Variants in EFNA5 observed in about 807,000 individuals in gnomAD.
EFNA5 encodes ephrin A5.
Under a neutral mutation model 22.9 loss-of-function variants are expected in EFNA5, and 5 were observed. That is an observed-to-expected ratio of 0.22 (90% CI 0.11 to 0.46). The LOEUF is 0.46. EFNA5 is among the 20% of genes least tolerant of loss of function. The pLI, the probability that EFNA5 is intolerant of heterozygous loss-of-function variation, is 0.99. For missense variants in EFNA5, 237 were observed against 293.3 expected, an observed-to-expected ratio of 0.81 and a Z score of 1.40; for synonymous variants, 113 against 112.2, an observed-to-expected ratio of 1.01 and a Z score of -0.04.
At chr5:107,412,640 T>G (rs1467680265) in intron 2 of EFNA5, among the ~76,000 whole-genome samples, 1 of 152,166 alleles carries the variant, frequency 6.6e-6, no homozygotes, top group Non-Finnish European at 1.5e-5. Flanking sequence ...AGACAGGCAA[T>G]TTTCTAGTTA....
chr5:107,435,900 A>C (rs115810649), intron 1 of EFNA5, among the ~76,000 whole-genome samples: 2,457 of 152,330 alleles, frequency 0.016, 54 homozygotes, highest in African/African-American at 0.057. Context: ...CCTTAAGTTC[A>C]GTAACTGTTG....
Position 107,455,774 on chromosome 5 carries a change from C to T in EFNA5, c.126-28265G>A, listed in dbSNP as rs546574883. Reference sequence around the variant, plus strand: ...TTGCTCTTAAAGTTTATTGTTGCAACCTGGTTATGGATAATTCTTTCCACT... The same window carrying T: ...TTGCTCTTAAAGTTTATTGTTGCAATCTGGTTATGGATAATTCTTTCCACT... On this transcript the variant is annotated intron_variant, in intron 1 of 4. Coordinates refer to ENST00000333274, the MANE Select transcript of EFNA5 (RefSeq NM_001962.3). Among the ~76,000 whole-genome samples the T allele has an allele frequency of 3.4e-4, 52 of 152,264 alleles. 2 individuals carry two copies. Among genetic ancestry groups the T allele is most frequent in the African/African-American group, 1.2e-3 (51 of 41,558 alleles).
At chr5:107,487,540 G>A (rs185507985) in intron 1 of EFNA5, among the ~76,000 whole-genome samples, 1 of 152,314 alleles carries the variant, frequency 6.6e-6, no homozygotes, top group East Asian at 1.9e-4. Context: ...GCAGATGACA[G>A]GGGCAGAGTA....
At chr5:107,655,585 A>G (rs899106120) in intron 1 of EFNA5, among the ~76,000 whole-genome samples, 1 of 152,132 alleles carries the variant, frequency 6.6e-6, no homozygotes, top group Non-Finnish European at 1.5e-5. Context: ...TCCCTTATGA[A>G]TTACTTTTTC....
At chr5:107,451,304 T>A (rs1269009522) in intron 1 of EFNA5, among the ~76,000 whole-genome samples, 2 of 152,188 alleles carry the variant, frequency 1.3e-5, no homozygotes, top group African/African-American at 4.8e-5. Flanking sequence ...ACTGGATAAA[T>A]CAACTACGTT....
rs900105942 is a variant in EFNA5 at position 107,381,237 on chromosome 5, T to C, written c.*18A>G. The C allele has an allele frequency of 2.5e-6, 4 of 1,606,726 alleles. No homozygotes were observed. The African/African-American group carries it at 5.3e-5, about 21-fold the overall frequency. ...AGACCCTGATGTTTTCTGTGACAAG[T>C]GATGGGAGGAGACTGTGCTATAATG... is the stretch of plus-strand genomic sequence containing the variant. On this transcript the variant is annotated 3_prime_UTR_variant, in exon 5 of 5. Coordinates refer to ENST00000333274, the MANE Select transcript of EFNA5 (RefSeq NM_001962.3).
intron 1 of EFNA5, among the ~76,000 whole-genome samples, chr5:107,526,884 T>A (rs977845881): frequency 2.0e-5 from 3 of 152,174 alleles, no homozygotes; most frequent in African/African-American, 7.2e-5. Flanking sequence ...TAGAAAAGTC[T>A]ACAAGTTATG....
chr5:107,509,156 C>G (rs188254386), intron 1 of EFNA5, among the ~76,000 whole-genome samples: 80 of 152,258 alleles, frequency 5.3e-4, no homozygotes, highest in African/African-American at 1.9e-3. Flanking sequence ...TTAGTAGTCT[C>G]TAATGCAATT....
At chr5:107,389,404 G>A (rs1747725336) in intron 2 of EFNA5, among the ~76,000 whole-genome samples, 2 of 152,146 alleles carry the variant, frequency 1.3e-5, no homozygotes, top group African/African-American at 2.4e-5. Context: ...GGGTTCCTGA[G>A]GGAGTATATG....
intron 1 of EFNA5, among the ~76,000 whole-genome samples, chr5:107,508,541 G>A (rs1014370688): frequency 6.6e-6 from 1 of 152,276 alleles, no homozygotes; most frequent in South Asian, 2.1e-4. Flanking sequence ...GACATGAACT[G>A]CAGACAAATT....
chr5:107,670,571 A>G lies in EFNA5; in HGVS notation c.43T>C (p.Trp15Arg), dbSNP rs755615518. The change falls in exon 1 of 5, where the codon TGG becomes CGG. Residue 15 changes from tryptophan to arginine, a missense_variant. This residue lies in a region of EFNA5 where 120 missense variants were observed against 140.5 expected (regional missense o/e 0.85). Coordinates refer to ENST00000333274, the MANE Select transcript of EFNA5 (RefSeq NM_001962.3). ...EMLTLVFLVL[W>R]MCVFSQDPGS... ...GGGTCCTGGCTGAACACACACATCC[A>G]GAGCACCAGAAACACCAGCGTCAAC... is the stretch of plus-strand genomic sequence containing the variant. 21 of 1,602,138 alleles carry G rather than the reference A, an allele frequency of 1.3e-5. No homozygotes were observed. The African/African-American group carries it at 2.7e-4, about 21-fold the overall frequency.
At chr5:107,601,366 A>T (rs999893029) in intron 1 of EFNA5, among the ~76,000 whole-genome samples, 4 of 152,216 alleles carry the variant, frequency 2.6e-5, no homozygotes, top group African/African-American at 4.8e-5. Flanking sequence ...GCGTTAGGGA[A>T]GCACAGAGTA....
intron 1 of EFNA5, among the ~76,000 whole-genome samples, chr5:107,534,095 C>T (rs116666221): frequency 7.9e-5 from 12 of 152,330 alleles, no homozygotes; most frequent in South Asian, 2.1e-4. Flanking sequence ...CTGGATGACA[C>T]TGTGTGTCTG....
At chr5:107,521,147 T>C (rs751148388) in intron 1 of EFNA5, among the ~76,000 whole-genome samples, 1 of 152,182 alleles carries the variant, frequency 6.6e-6, no homozygotes, top group African/African-American at 2.4e-5. Context: ...GTGCATTTAA[T>C]ACATGTAACC....
chr5:107,404,379 T>C (rs1010027516), intron 2 of EFNA5, among the ~76,000 whole-genome samples: 2 of 152,232 alleles, frequency 1.3e-5, no homozygotes, highest in Non-Finnish European at 2.9e-5. Context: ...CTATTTAACT[T>C]GACCAAATAC....
chr5:107,409,603 A>T (rs1216571592), intron 2 of EFNA5, among the ~76,000 whole-genome samples: 1 of 152,134 alleles, frequency 6.6e-6, no homozygotes, highest in Non-Finnish European at 1.5e-5. Context: ...GTCATAATTG[A>T]GGTATTACTT....
rs115737452 is a variant in EFNA5, at chr5:107,507,800, A to G, written c.126-80291T>C. 5.0e-3 allele frequency among the ~76,000 whole-genome samples: 769 copies of G among 152,320 alleles called. 7 individuals are homozygous for G. The highest frequency in any genetic ancestry group is 0.017 in the African/African-American group (720 of 41,578). On this transcript the variant is annotated intron_variant, in intron 1 of 4. Transcript: ENST00000333274. ...TTGGATATGCTGAATTAAATATAAA[A>G]TTAATATCACCAGCATTTTTAATTT...
At chr5:107,656,503 A>T (rs1260265381) in intron 1 of EFNA5, among the ~76,000 whole-genome samples, 1 of 152,188 alleles carries the variant, frequency 6.6e-6, no homozygotes, top group Non-Finnish European at 1.5e-5. Flanking sequence ...TGATGCTTTT[A>T]AAATAAGTTT....
intron 2 of EFNA5, among the ~76,000 whole-genome samples, chr5:107,391,108 G>A (rs1747784196): frequency 6.6e-6 from 1 of 152,206 alleles, no homozygotes; most frequent in Non-Finnish European, 1.5e-5. Context: ...GCAGTGAGCC[G>A]AGACTGAGCT....
Sources: allele counts gnomAD v4.1 joint callset (sites outside exome capture counted in the v4.1 genomes callset), GRCh38; gene constraint gnomAD v4.1.1; regional missense constraint gnomAD v4.1.1; transcripts MANE v1.5; gene names NCBI Gene and HGNC (gene_info 2026-07-23, HGNC 2026-07-21).